GRIK2: variants seen among roughly 807,000 people sequenced by gnomAD.
GRIK2 encodes the protein glutamate ionotropic receptor kainate type subunit 2.
Under a neutral mutation model 100.3 loss-of-function variants are expected in GRIK2, and 32 were observed. The ratio of observed to expected loss-of-function variants is 0.32; its 90% CI spans 0.24 to 0.43. The LOEUF (loss-of-function observed/expected upper bound fraction) is 0.43. Among genes scored for constraint, GRIK2 ranks in the 20% least tolerant of loss-of-function variants. GRIK2 has a pLI of 1.00. For missense variants in GRIK2, 843 were observed against 1,114.9 expected (o/e 0.76, Z 3.47); for synonymous variants, 417 against 389.4 (o/e 1.07, Z -0.83).
At chr6:102,044,966 T>C (rs1770803861) in intron 15 of GRIK2, among the ~76,000 whole-genome samples, 1 of 152,080 alleles carries the variant, frequency 6.6e-6, no homozygotes, top group Non-Finnish European at 1.5e-5. Flanking sequence ...TCCTATATAG[T>C]ATTTGGTATA....
At position 101,686,283 on chromosome 6, in the gene GRIK2, A is replaced by C; in HGVS notation, c.881A>C (p.Glu294Ala). ...AATACCCAAGTCTCCTCCATCATTG[A>C]AAAGTGGTCGATGGAACGATTGCAG... ...TENTQVSSII[E>A]KWSMERLQAP... Residue 294 changes from glutamate to alanine, a missense_variant, in exon 7 of 17, where the codon GAA becomes GCA. By Grantham distance (107) the Glu-to-Ala change is moderately radical (BLOSUM62 -1). Transcript: ENST00000369134. 1 of 1,613,512 alleles carries C rather than the reference A, an allele frequency of 6.2e-7. No individual in the cohort carries two copies. The highest frequency in any genetic ancestry group is 8.5e-7 in the Non-Finnish European group (1 of 1,179,508).
chr6:101,682,603 T>A lies in GRIK2; in HGVS notation c.774T>A (p.Thr258=). The change falls in exon 6 of 17, where the codon ACT becomes ACA. Residue 258 remains threonine (T), a synonymous_variant. Coordinates refer to ENST00000369134, the MANE Select transcript of GRIK2 (RefSeq NM_021956.5). Reference sequence around the variant, plus strand: ...AATACTATCATTATATCTTTACCACTCTGGTAAGTACTTCATTAAAACAAA... The same window carrying A: ...AATACTATCATTATATCTTTACCACACTGGTAAGTACTTCATTAAAACAAA... ...MTEYYHYIFT[T]LDLFALDVEP... 8.1e-7 allele frequency: 1 copy of A among 1,234,868 alleles called. No homozygotes were observed. The highest frequency in any genetic ancestry group is 1.2e-6 in the Non-Finnish European group (1 of 847,908). 76.5% of individuals were successfully genotyped at this position (1,234,868 alleles called of 1,614,324 possible).
intron 2 of GRIK2, among the ~76,000 whole-genome samples, chr6:101,577,066 T>G (rs1227226691): frequency 6.6e-6 from 1 of 152,064 alleles, no homozygotes; most frequent in African/African-American, 2.4e-5. Context: ...AATGTTTGAT[T>G]TCTTAAAGAT....
chr6:102,006,350 G>T (rs1245064278), intron 14 of GRIK2, among the ~76,000 whole-genome samples: 1 of 144,042 alleles, frequency 6.9e-6, no homozygotes, highest in Non-Finnish European at 1.5e-5. Context: ...TTTGATTTGA[G>T]AAAAGATGAT....
chr6:101,882,373 A>G (rs1786311423), intron 11 of GRIK2, among the ~76,000 whole-genome samples: 1 of 152,134 alleles, frequency 6.6e-6, no homozygotes. Context: ...TAAAACAATT[A>G]ATATCCTCCC....
At chr6:101,429,543 G>T (rs1769256258) in intron 2 of GRIK2, among the ~76,000 whole-genome samples, 1 of 152,100 alleles carries the variant, frequency 6.6e-6, no homozygotes, top group Non-Finnish European at 1.5e-5. Flanking sequence ...AAAAGAAAGT[G>T]CTAAGTAGAT....
intron 2 of GRIK2, among the ~76,000 whole-genome samples, chr6:101,491,009 A>G (rs1227785888): frequency 2.1e-5 from 3 of 146,024 alleles, no homozygotes; most frequent in Non-Finnish European, 4.5e-5. Context: ...GGGATTAGAA[A>G]CGGTGAGAAA....
At chr6:101,471,861 A>C (rs1245134449) in intron 2 of GRIK2, among the ~76,000 whole-genome samples, 1 of 152,040 alleles carries the variant, frequency 6.6e-6, no homozygotes, top group South Asian at 2.1e-4. Context: ...TAATAGCTCA[A>C]GTTTAGTTTA....
At chr6:101,843,405 CAT>C (rs1203588134) in intron 10 of GRIK2, among the ~76,000 whole-genome samples, 8 of 152,196 alleles carry the variant, frequency 5.3e-5, no homozygotes, top group Non-Finnish European at 7.4e-5. Context: ...CCATCATCCA[CAT>C]GAGTCATTTT....
At chr6:101,484,595 A>G (rs1772717518) in intron 2 of GRIK2, among the ~76,000 whole-genome samples, 1 of 151,634 alleles carries the variant, frequency 6.6e-6, no homozygotes, top group South Asian at 2.1e-4. Flanking sequence ...CTAAGTTGGT[A>G]TTTATGTCTG....
chr6:101,411,623 G>T (rs947564011), intron 2 of GRIK2, among the ~76,000 whole-genome samples: 2 of 152,000 alleles, frequency 1.3e-5, no homozygotes, highest in Non-Finnish European at 2.9e-5. Flanking sequence ...TCAGCTTTCG[G>T]AATTAGCAGT....
At chr6:101,576,073 TTATGA>T (rs1486506445) in intron 2 of GRIK2, among the ~76,000 whole-genome samples, 1 of 152,082 alleles carries the variant, frequency 6.6e-6, no homozygotes, top group East Asian at 1.9e-4. Flanking sequence ...TATTATCATA[TTATGA>T]TATATGATAT....
At chr6:102,013,994 A>G (rs182291922) in intron 14 of GRIK2, among the ~76,000 whole-genome samples, 33 of 143,132 alleles carry the variant, frequency 2.3e-4, no homozygotes, top group African/African-American at 8.0e-4. Flanking sequence ...AAATAGTTTC[A>G]GTAGGAATGG....
At chr6:101,693,941 C>T (rs1772292620) in intron 7 of GRIK2, among the ~76,000 whole-genome samples, 1 of 151,904 alleles carries the variant, frequency 6.6e-6, no homozygotes, top group African/African-American at 2.4e-5. Flanking sequence ...GACGAATCAC[C>T]AATGATATGA....
chr6:101,478,595 C>T (rs2128259893), intron 2 of GRIK2, among the ~76,000 whole-genome samples: 1 of 150,330 alleles, frequency 6.7e-6, no homozygotes, highest in East Asian at 2.0e-4. Context: ...CTCACTGCAA[C>T]CTCTGCCTCC....
In GRIK2 at chr6:101,850,221, C is replaced by T. The variant is rs184049708; in HGVS notation, c.1318-9066C>T. On this transcript the variant is annotated intron_variant, in intron 10 of 16. Coordinates refer to ENST00000369134, the MANE Select transcript of GRIK2 (RefSeq NM_021956.5). Reference sequence around the variant, plus strand: ...ATAATTGGTAGGGATTTCAAATTCACCACTAGATTGGGAGTTTCATAAGGG... The same window carrying T: ...ATAATTGGTAGGGATTTCAAATTCATCACTAGATTGGGAGTTTCATAAGGG... Among the ~76,000 whole-genome samples the T allele has an allele frequency of 1.8e-4, 28 of 152,002 alleles. No homozygotes were observed. In the East Asian group the frequency reaches 5.2e-3, roughly 28 times the overall value.
chr6:101,449,219 T>C (rs1770536035), intron 2 of GRIK2, among the ~76,000 whole-genome samples: 1 of 151,706 alleles, frequency 6.6e-6, no homozygotes, highest in Non-Finnish European at 1.5e-5. Context: ...AAAAGTAAAA[T>C]ATTTAACTGC....
chr6:101,588,063 G>T (rs1778460997), intron 2 of GRIK2, among the ~76,000 whole-genome samples: 1 of 152,096 alleles, frequency 6.6e-6, no homozygotes, highest in South Asian at 2.1e-4. Flanking sequence ...ATCAGTACAA[G>T]CATTCTCAGC....
chr6:101,943,245 C>T (rs953072442), intron 14 of GRIK2, among the ~76,000 whole-genome samples: 2 of 152,216 alleles, frequency 1.3e-5, no homozygotes, highest in Non-Finnish European at 2.9e-5. Flanking sequence ...TTGGAATCTT[C>T]ACCTAGATTT....
Sources: allele counts gnomAD v4.1 joint callset (sites outside exome capture counted in the v4.1 genomes callset), GRCh38; gene constraint gnomAD v4.1.1; transcripts MANE v1.5; gene names NCBI Gene and HGNC (gene_info 2026-07-23, HGNC 2026-07-21).